Variants in TIE1 observed in about 807,000 individuals in gnomAD.
TIE1 encodes tyrosine-protein kinase receptor Tie-1.
In TIE1, 89 loss-of-function variants were observed where a neutral mutation model predicts 130.5. The observed-to-expected ratio is 0.68, with a 90% confidence interval of 0.57 to 0.81. The LOEUF (loss-of-function observed/expected upper bound fraction) is 0.81. Ranked by LOEUF, TIE1 falls within the 40% of genes least tolerant of loss-of-function variation. The probability of loss-of-function intolerance (pLI) is 0.00; values close to 1 mark genes in which losing one functional copy is unlikely to be tolerated. For synonymous variants in TIE1, 568 were observed against 629.4 expected, an observed-to-expected ratio of 0.90 and a Z score of 1.46; for missense variants, 1,392 against 1,559.8, an observed-to-expected ratio of 0.89 and a Z score of 1.81.
In TIE1 at chr1:43,307,736, A is replaced by G; in HGVS notation, c.914-60A>G. 6.2e-7 allele frequency: 1 copy of G among 1,608,000 alleles called. No homozygotes were observed. Among genetic ancestry groups the G allele is most frequent in the Non-Finnish European group, 8.5e-7 (1 of 1,175,732 alleles). On this transcript the variant is annotated intron_variant, in intron 6 of 22. Transcript: ENST00000372476. This position sits in a 1 kb window ranked among gnomAD's most constrained non-coding sequence, Gnocchi z 5.4. ...TAACCTGTGCCCCATCTGCGCCCTC[A>G]TCTGTGCCCTCATTGCCCCCTGTCC...
At position 43,322,724 on chromosome 1, in the gene TIE1, C is replaced by G; in HGVS notation, c.*2C>G. On this transcript the variant is annotated 3_prime_UTR_variant, in exon 23 of 23. Coordinates refer to ENST00000372476, the MANE Select transcript of TIE1 (RefSeq NM_005424.5). This position sits in a 1 kb window ranked among gnomAD's most constrained non-coding sequence, Gnocchi z 4.0. ...GATGCCACAGCTGAGGAGGCCTGAG[C>G]TGCCATCCAGCCAGAACGTGGCTCT... 1 of 1,613,620 alleles carries G rather than the reference C, an allele frequency of 6.2e-7. No individual in the cohort carries two copies. Among genetic ancestry groups the G allele is most frequent in the Non-Finnish European group, 8.5e-7 (1 of 1,179,966 alleles).
chr1:43,318,429 C>A lies in TIE1; in HGVS notation c.2922+357C>A, dbSNP rs763038620. 2.6e-5 allele frequency among the ~76,000 whole-genome samples: 4 copies of A among 151,940 alleles called. No homozygotes were observed. Among genetic ancestry groups the A allele is most frequent in the Non-Finnish European group, 5.9e-5 (4 of 67,980 alleles). ...GAGGGGGAAGGGCAGAGATCCAAGC[C>A]CAAGTCAACTCAGGCCTGAATGAGA... On this transcript the variant is annotated intron_variant, in intron 17 of 22. Transcript: ENST00000372476. This position sits in a 1 kb window ranked among gnomAD's most constrained non-coding sequence, Gnocchi z 4.4.
intron 7 of TIE1, among the ~76,000 whole-genome samples, 164 bp downstream of exon 7, chr1:43,308,088 T>A (rs1308727723): frequency 2.0e-5 from 3 of 152,070 alleles, no homozygotes; most frequent in Non-Finnish European, 4.4e-5. Flanking sequence ...AGGGAGTCAG[T>A]CTGGTAGGGA....
Position 43,305,310 on chromosome 1 carries a change from G to A in TIE1, c.451G>A (p.Glu151Lys), listed in dbSNP as rs1456713032. 3.1e-6 allele frequency: 5 copies of A among 1,596,234 alleles called. No homozygotes were observed. The Admixed American group carries it at 8.4e-5, about 27-fold the overall frequency. ...TGTACTTTCTGCACGTGTGCACAAG[G>A]AGAAGCAGACAGACGTGATCTGGAA... ...TAVLSARVHK[E>K]KQTDVIWKSN... is the part of the protein sequence containing the mutation. Residue 151 changes from glutamate (E) to lysine (K), a missense_variant, in exon 3 of 23, where the codon GAG (glutamate) becomes AAG (lysine). Physicochemically the swap from Glu to Lys is moderately conservative, Grantham distance 56. Transcript: ENST00000372476.
At position 43,321,635 on chromosome 1, in the gene TIE1, T is replaced by C. The variant is rs1226876498; in HGVS notation, c.3265T>C (p.Cys1089Arg). Residue 1089 changes from cysteine (C) to arginine (R), a missense_variant, in exon 22 of 23, where the codon TGC becomes CGC. Around this residue, in one of 6 missense-constraint regions of TIE1, gnomAD observed 104 missense variants for 129.3 expected, o/e 0.80. Transcript: ENST00000372476. ...DDEVYELMRQ[C>R]WRDRPYERPP... ...TCGCAGGTACGAGCTGATGCGTCAG[T>C]GCTGGCGGGACCGTCCCTATGAGCG... 1.9e-6 allele frequency: 3 copies of C among 1,553,764 alleles called. No homozygotes were observed.
intron 1 of TIE1, among the ~76,000 whole-genome samples, 186 bp from the exon 2 acceptor site, chr1:43,304,665 G>C (rs1646705465): frequency 6.6e-6 from 1 of 151,876 alleles, no homozygotes; most frequent in Admixed American, 6.6e-5. Context: ...GAGGGGGATG[G>C]GAATGCCTGA....
At chr1:43,321,032 C>CAAAAA (rs752698629) in intron 19 of TIE1, among the ~76,000 whole-genome samples, 372 of 96,820 alleles carry the variant, frequency 3.8e-3, no homozygotes, top group Middle Eastern at 5.4e-3. Flanking sequence ...GACCCTGTCT[C>CAAAAA]AAAAAAAAAA....
rs1646768615 is a variant in TIE1 at position 43,309,588 on chromosome 1, T to C, written c.1333+56T>C. 9 of 1,519,958 alleles carry C rather than the reference T, an allele frequency of 5.9e-6. No homozygotes were observed. 94.2% of individuals were successfully genotyped at this position (1,519,958 alleles called of 1,614,324 possible). A position where few individuals can be genotyped will look rare whatever the true frequency, so the allele number is the denominator to read the frequency against. On this transcript the variant is annotated intron_variant, in intron 9 of 22. Transcript: ENST00000372476. This position sits in a 1 kb window ranked among gnomAD's most constrained non-coding sequence, Gnocchi z 6.3. The stretch of plus-strand genomic sequence containing the variant: ...GACGGTGAGCAGAGTAGGCTCTAGA[T>C]GATGCTGCTCAGGCTGGAGATACTA...
chr1:43,309,478 C>T lies in TIE1; in HGVS notation c.1279C>T (p.Arg427Cys), dbSNP rs138931474. The T allele has an allele frequency of 5.0e-5, 80 of 1,610,044 alleles. No homozygotes were observed. The highest frequency in any genetic ancestry group is 6.6e-5 in the Non-Finnish European group (78 of 1,178,452). Residue 427 changes from arginine to cysteine, a missense_variant, in exon 9 of 23, where the codon CGT becomes TGT. Coordinates refer to ENST00000372476, the MANE Select transcript of TIE1 (RefSeq NM_005424.5). This position sits in a 1 kb window ranked among gnomAD's most constrained non-coding sequence, Gnocchi z 6.3. ...VLADSGFWEC[R>C]VSTSGGQDSR... The stretch of plus-strand genomic sequence containing the variant: ...TGCGGACAGTGGGTTCTGGGAGTGC[C>T]GTGTGTCCACATCTGGCGGCCAAGA...
chr1:43,310,877 T>C (rs1646783188), intron 9 of TIE1, among the ~76,000 whole-genome samples: 1 of 152,174 alleles, frequency 6.6e-6, no homozygotes, highest in South Asian at 2.1e-4. Context: ...CGGCATCCTT[T>C]TCCTCCCTCG....
rs780326648 is a variant in TIE1 at position 43,313,507 on chromosome 1, T to C, written c.2218+82T>C. On this transcript the variant is annotated intron_variant, in intron 13 of 22. Transcript: ENST00000372476. This position sits in a 1 kb window ranked among gnomAD's most constrained non-coding sequence, Gnocchi z 6.2. ...GCTCTCCTTCCACATCACCCCCTAC[T>C]GTGGAGCTAGGGCATCCCAGGCCCC... 2 of 1,533,970 alleles carry C rather than the reference T, an allele frequency of 1.3e-6. No individual in the cohort carries two copies. Among genetic ancestry groups the C allele is most frequent in the South Asian group, 1.2e-5 (1 of 83,574 alleles).
Position 43,307,504 on chromosome 1 carries a change from C to T in TIE1, c.845C>T (p.Thr282Ile). The T allele has an allele frequency of 6.2e-7, 1 of 1,614,206 alleles. No homozygotes were observed. Among genetic ancestry groups the T allele is most frequent in the African/African-American group, 1.3e-5 (1 of 75,056 alleles). ...CPGISGCRGLTFCLPDPYGCS... is the reference protein window; with the variant it reads ...CPGISGCRGLIFCLPDPYGCS... The stretch of plus-strand genomic sequence containing the variant: ...GGCATATCAGGCTGCCGGGGCCTCA[C>T]CTTCTGCCTCCCAGACCCCTATGGC... Residue 282 changes from threonine (T) to isoleucine (I), a missense_variant, in exon 6 of 23, where the codon ACC (threonine) becomes ATC (isoleucine). Thr to Ile is a moderately conservative substitution (Grantham distance 89). Around this residue, in one of 6 missense-constraint regions of TIE1, gnomAD observed 415 missense variants for 424.8 expected, o/e 0.98. Transcript: ENST00000372476. This position sits in a 1 kb window ranked among gnomAD's most constrained non-coding sequence, Gnocchi z 5.4.
In TIE1 at chr1:43,307,971, T is replaced by G. The variant is rs757347564; in HGVS notation, c.1042+47T>G. 3 of 1,606,044 alleles carry G rather than the reference T, an allele frequency of 1.9e-6. No homozygotes were observed. Among genetic ancestry groups the G allele is most frequent in the Non-Finnish European group, 2.6e-6 (3 of 1,173,868 alleles). ...AGAGCCCCCCAAGATAAGTCGGCCT[T>G]TACCAAACACATCTCCCCGGTGGAA... On this transcript the variant is annotated intron_variant, in intron 7 of 22. Transcript: ENST00000372476. This position sits in a 1 kb window ranked among gnomAD's most constrained non-coding sequence, Gnocchi z 5.4.
Position 43,318,160 on chromosome 1 carries a change from C to T in TIE1, c.2922+88C>T. On this transcript the variant is annotated intron_variant, in intron 17 of 22. Transcript: ENST00000372476. The surrounding 1 kb of genome is among the most constrained non-coding windows in gnomAD (Gnocchi z 4.4). ...AGAAGTCAGCCGGCCCTGATTGTAT[C>T]TGGGGATTGAGGTTCCTGGCCCAAG... 6.8e-7 allele frequency: 1 copy of T among 1,460,998 alleles called. No individual in the cohort carries two copies. The highest frequency in any genetic ancestry group is 9.1e-7 in the Non-Finnish European group (1 of 1,099,070). 90.5% of individuals were successfully genotyped at this position (1,460,998 alleles called of 1,614,324 possible). A position where few individuals can be genotyped will look rare whatever the true frequency, so the allele number is the denominator to read the frequency against.
At chr1:43,303,830 C>G (rs1045070883) in intron 1 of TIE1, among the ~76,000 whole-genome samples, 8 of 152,164 alleles carry the variant, frequency 5.3e-5, no homozygotes, top group African/African-American at 1.9e-4. Flanking sequence ...CCAATGTGCC[C>G]TGCTCCAACT....
rs1570432039 is a variant in TIE1, at chr1:43,306,669, G to C, written c.485-171G>C. On this transcript the variant is annotated intron_variant, in intron 3 of 22. Transcript: ENST00000372476. The surrounding 1 kb of genome is among the most constrained non-coding windows in gnomAD (Gnocchi z 4.9). ...TACTGGGTGGCTGGTGGAGCATGAA[G>C]AAGAGGGCACTTCTGAGCTTTCTGG... Among the ~76,000 whole-genome samples the C allele has an allele frequency of 1.3e-5, 2 of 152,280 alleles. No homozygotes were observed. The highest frequency in any genetic ancestry group is 4.1e-4 in the South Asian group (2 of 4,822).
In TIE1 at chr1:43,313,495, A is replaced by G. The variant is rs752625632; in HGVS notation, c.2218+70A>G. The G allele has an allele frequency of 3.2e-6, 5 of 1,566,826 alleles. No individual in the cohort carries two copies. Among genetic ancestry groups the G allele is most frequent in the Non-Finnish European group, 4.4e-6 (5 of 1,148,982 alleles). On this transcript the variant is annotated intron_variant, in intron 13 of 22. Transcript: ENST00000372476. This position sits in a 1 kb window ranked among gnomAD's most constrained non-coding sequence, Gnocchi z 6.2. ...AGAGCTCAGCACGCTCTCCTTCCAC[A>G]TCACCCCCTACTGTGGAGCTAGGGC...
At chr1:43,321,032 C>CAAAAAAAAAAAAAA (rs752698629) in intron 19 of TIE1, among the ~76,000 whole-genome samples, 1 of 97,370 alleles carries the variant, frequency 1.0e-5, no homozygotes, top group Non-Finnish European at 2.0e-5. Flanking sequence ...GACCCTGTCT[C>CAAAAAAAAAAAAAA]AAAAAAAAAA....
In TIE1 at chr1:43,313,720, G is replaced by A; in HGVS notation, c.2219-58G>A. 6.6e-7 allele frequency: 1 copy of A among 1,525,838 alleles called. No homozygotes were observed. Among genetic ancestry groups the A allele is most frequent in the Non-Finnish European group, 8.9e-7 (1 of 1,129,354 alleles). The allele number at this position is 1,525,838 out of a possible 1,614,324, so 94.5% of individuals were successfully genotyped here. Reference sequence around the variant, plus strand: ...CTCTCCCTCTGTGTAACCCCATGGTGGCCTCTGGGTTCCCTGACCCAGGTG... The same window carrying A: ...CTCTCCCTCTGTGTAACCCCATGGTAGCCTCTGGGTTCCCTGACCCAGGTG... On this transcript the variant is annotated intron_variant, in intron 13 of 22. Coordinates refer to ENST00000372476, the MANE Select transcript of TIE1 (RefSeq NM_005424.5). The surrounding 1 kb of genome is among the most constrained non-coding windows in gnomAD (Gnocchi z 6.2).
Sources: allele counts gnomAD v4.1 joint callset (sites outside exome capture counted in the v4.1 genomes callset), GRCh38; gene constraint gnomAD v4.1.1; regional missense constraint gnomAD v4.1.1; non-coding constraint Gnocchi (gnomAD v3.1); transcripts MANE v1.5; gene names NCBI Gene and HGNC (gene_info 2026-07-23, HGNC 2026-07-21).